The following PDE10A variants were observed in gnomAD, a reference collection of about 807,000 sequenced individuals.
PDE10A encodes cAMP and cAMP-inhibited cGMP 3',5'-cyclic phosphodiesterase 10A.
Under a neutral mutation model 97.7 loss-of-function variants are expected in PDE10A, and 39 were observed. The ratio of observed to expected loss-of-function variants is 0.40; its 90% CI spans 0.31 to 0.52. PDE10A has a LOEUF of 0.52. Among genes scored for constraint, PDE10A ranks in the 20% least tolerant of loss-of-function variants. The pLI, the probability that PDE10A is intolerant of heterozygous loss-of-function variation, is 0.56. For missense variants in PDE10A, 731 were observed against 1,047.8 expected (o/e 0.70, Z 4.17); for synonymous variants, 371 against 376.8 (o/e 0.98, Z 0.18).
rs546369360 is a variant in PDE10A at position 165,725,950 on chromosome 6, C to T, written c.-614-182382G>A. Among the ~76,000 whole-genome samples, 12 of 152,268 alleles carry T rather than the reference C, an allele frequency of 7.9e-5. No individual in the cohort carries two copies. In the South Asian group the frequency reaches 1.5e-3, roughly 18 times the overall value. On this transcript the variant is annotated intron_variant, in intron 1 of 19. Coordinates refer to the PDE10A transcript ENST00000366882. ...GCTTTGAAGGAGTCTGTCCACTTGG[C>T]GCAGTGCAGGACAGGAACGGAGTTC...
intron 2 of PDE10A, among the ~76,000 whole-genome samples, chr6:165,502,953 T>C (rs182601720): frequency 2.7e-3 from 412 of 152,310 alleles, no homozygotes; most frequent in Non-Finnish European, 4.7e-3. Context: ...TCATGAAAAC[T>C]CATTAAACTA....
chr6:165,567,653 A>G (rs922312338), intron 1 of PDE10A, among the ~76,000 whole-genome samples: 1 of 152,070 alleles, frequency 6.6e-6, no homozygotes, highest in African/African-American at 2.4e-5. Context: ...CTCTCTCAAT[A>G]CTTTTTAAAA....
At chr6:165,850,577 A>C (rs1166941246) in intron 1 of PDE10A, among the ~76,000 whole-genome samples, 7 of 152,122 alleles carry the variant, frequency 4.6e-5, no homozygotes, top group Non-Finnish European at 1.0e-4. Flanking sequence ...TCAGAGTAGG[A>C]TCCATTCTGT....
At chr6:165,804,633 C>T (rs1460771732) in intron 1 of PDE10A, among the ~76,000 whole-genome samples, 2 of 152,146 alleles carry the variant, frequency 1.3e-5, no homozygotes, top group African/African-American at 2.4e-5. Flanking sequence ...GCCCTGGAAA[C>T]CCGGGGGCCT....
intron 1 of PDE10A, among the ~76,000 whole-genome samples, chr6:165,883,758 A>T (rs934154038): frequency 6.6e-6 from 1 of 152,008 alleles, no homozygotes; most frequent in Non-Finnish European, 1.5e-5. Context: ...GAGGTGTGTG[A>T]TCCCAGCAAT....
intron 1 of PDE10A, among the ~76,000 whole-genome samples, chr6:165,928,696 G>A (rs887036826): frequency 2.1e-5 from 3 of 145,560 alleles, no homozygotes; most frequent in African/African-American, 2.5e-5. Context: ...GGTGGCCGAC[G>A]TCTGGAGCAC....
At chr6:165,909,739 C>G (rs1782401697) in intron 1 of PDE10A, among the ~76,000 whole-genome samples, 1 of 152,204 alleles carries the variant, frequency 6.6e-6, no homozygotes, top group Admixed American at 6.5e-5. Flanking sequence ...TGGCTTCTCA[C>G]TTAGCTCAGA....
intron 18 of PDE10A, among the ~76,000 whole-genome samples, chr6:165,351,012 C>T (rs922094012): frequency 3.3e-5 from 5 of 152,078 alleles, no homozygotes; most frequent in African/African-American, 9.7e-5. Context: ...GTCTAAGAAT[C>T]GATTTCTAGG....
intron 3 of PDE10A, among the ~76,000 whole-genome samples, chr6:165,479,616 G>A (rs1442828389): frequency 6.6e-6 from 1 of 152,132 alleles, no homozygotes. Flanking sequence ...ATCACTGCCT[G>A]ATAGATGTAC....
intron 1 of PDE10A, among the ~76,000 whole-genome samples, chr6:165,961,906 A>G (rs766367114): frequency 4.6e-5 from 7 of 152,244 alleles, no homozygotes; most frequent in Non-Finnish European, 7.3e-5. Context: ...CAATGAAGGA[A>G]GGACATGAAC....
At chr6:165,477,845 C>T (rs1253896312) in intron 3 of PDE10A, among the ~76,000 whole-genome samples, 2 of 152,112 alleles carry the variant, frequency 1.3e-5, no homozygotes, top group Admixed American at 1.3e-4. Context: ...AATTCTAAAA[C>T]AAAATCTGCT....
intron 1 of PDE10A, among the ~76,000 whole-genome samples, chr6:165,788,272 C>A (rs1478312671): frequency 6.6e-6 from 1 of 151,956 alleles, no homozygotes; most frequent in East Asian, 1.9e-4. Flanking sequence ...AATCCCAGCA[C>A]TTTGGGAGGC....
chr6:165,461,297 C>T (rs1317793216), intron 3 of PDE10A, among the ~76,000 whole-genome samples: 1 of 152,106 alleles, frequency 6.6e-6, no homozygotes, highest in Non-Finnish European at 1.5e-5. Flanking sequence ...TTTGCTATCC[C>T]TTTAGCTGAG....
At chr6:165,567,654 C>CTT (rs749181594) in intron 1 of PDE10A, among the ~76,000 whole-genome samples, 73 of 152,152 alleles carry the variant, frequency 4.8e-4, no homozygotes, top group Non-Finnish European at 9.7e-4. Context: ...TCTCTCAATA[C>CTT]TTTTTAAAAA....
chr6:165,936,339 G>A (rs1783328263), intron 1 of PDE10A, among the ~76,000 whole-genome samples: 1 of 152,224 alleles, frequency 6.6e-6, no homozygotes, highest in East Asian at 1.9e-4. Flanking sequence ...TAGCAGATAG[G>A]AAAGGATGTG....
rs1779948280 is a variant in PDE10A, at chr6:165,486,786, G to C, written c.995-4443C>G. ...GGCTGCAAAACTTGCTTACTTGTGT[G>C]ACCTATTTAACCTGTTCAATGAAAT... On this transcript the variant is annotated intron_variant, in intron 2 of 21. Transcript: ENST00000539869. 1.3e-5 allele frequency among the ~76,000 whole-genome samples: 2 copies of C among 152,194 alleles called. 1 individual carries two copies. The highest frequency in any genetic ancestry group is 4.1e-4 in the South Asian group (2 of 4,836).
At chr6:165,753,750 G>C (rs1248119974) in intron 1 of PDE10A, among the ~76,000 whole-genome samples, 1 of 151,942 alleles carries the variant, frequency 6.6e-6, no homozygotes, top group Non-Finnish European at 1.5e-5. Flanking sequence ...AGAATTCCTG[G>C]GAGTCTACAA....
chr6:165,447,007 T>C (rs1790896118), intron 5 of PDE10A, among the ~76,000 whole-genome samples: 3 of 152,160 alleles, frequency 2.0e-5, no homozygotes, highest in Middle Eastern at 6.8e-3. Flanking sequence ...AATTACAATT[T>C]AGATATTGTA....
chr6:165,766,013 T>C (rs1777841592), intron 1 of PDE10A, among the ~76,000 whole-genome samples: 1 of 152,228 alleles, frequency 6.6e-6, no homozygotes, highest in African/African-American at 2.4e-5. Flanking sequence ...TGAGAAAATA[T>C]TTTTAAGGAC....
Sources: gnomAD v4.1 joint callset for allele counts (sites outside exome capture counted in the v4.1 genomes callset) on GRCh38, gnomAD v4.1.1 for gene constraint, MANE v1.5 for transcripts, NCBI Gene and HGNC (gene_info 2026-07-23, HGNC 2026-07-21) for gene names.